SNX7: variants seen among roughly 807,000 people sequenced by gnomAD.
SNX7 encodes the protein sorting nexin 7.
In SNX7, 35 loss-of-function variants were observed where a neutral mutation model predicts 48.4. The ratio of observed to expected loss-of-function variants is 0.72; its 90% CI spans 0.55 to 0.96. The LOEUF is 0.96. SNX7 is among the 40% of genes least tolerant of loss of function. SNX7 has a pLI of 0.00. For missense variants in SNX7, 553 were observed against 548.9 expected (o/e 1.01, Z -0.07); for synonymous variants, 190 against 190.2 (o/e 1.00, Z 0.01).
intron 1 of SNX7, among the ~76,000 whole-genome samples, chr1:98,683,154 C>G (rs1650595868): frequency 6.6e-6 from 1 of 152,100 alleles, no homozygotes; most frequent in Non-Finnish European, 1.5e-5. Context: ...ATGCTCTGTT[C>G]TATCTGCTTC....
rs1410025401 is a variant in SNX7 at position 98,694,326 on chromosome 1, T to C, written c.640-1192T>C. Among the ~76,000 whole-genome samples, 3 of 145,066 alleles carry C rather than the reference T, an allele frequency of 2.1e-5. No individual in the cohort carries two copies. In the Admixed American group the frequency reaches 2.2e-4, roughly 11 times the overall value. ...CGGAGCTTGCAGTGAGCCAGGATTG[T>C]GCCACTGCAGTCCAGCCTGGGCGAA... On this transcript the variant is annotated intron_variant, in intron 4 of 8. Coordinates refer to ENST00000306121, the MANE Select transcript of SNX7 (RefSeq NM_015976.5).
intron 7 of SNX7, among the ~76,000 whole-genome samples, chr1:98,732,061 T>C (rs111255466): frequency 0.019 from 2,912 of 152,254 alleles, 101 homozygotes; most frequent in African/African-American, 0.067. Context: ...TTGAATGTGG[T>C]TGGCTTTCTC....
At chr1:98,744,326 G>A (rs1401334090) in intron 8 of SNX7, among the ~76,000 whole-genome samples, 1 of 151,986 alleles carries the variant, frequency 6.6e-6, no homozygotes, top group Non-Finnish European at 1.5e-5. Context: ...TGAAGCAGGT[G>A]AAGAATCTGA....
intron 8 of SNX7, among the ~76,000 whole-genome samples, chr1:98,750,895 G>T (rs940327031): frequency 6.6e-6 from 1 of 152,004 alleles, no homozygotes; most frequent in African/African-American, 2.4e-5. Context: ...TGTATTCCAC[G>T]CTGGGTCAAG....
At chr1:98,698,304 T>C (rs1032718784) in intron 5 of SNX7, among the ~76,000 whole-genome samples, 1 of 152,076 alleles carries the variant, frequency 6.6e-6, no homozygotes, top group Non-Finnish European at 1.5e-5. Flanking sequence ...TGGATAGTAA[T>C]TACCACTAAG....
chr1:98,692,418 C>G (rs1412350245), intron 4 of SNX7, among the ~76,000 whole-genome samples: 1 of 152,070 alleles, frequency 6.6e-6, no homozygotes, highest in Non-Finnish European at 1.5e-5. Context: ...TGGTACTTAG[C>G]AAGCAATTCA....
intron 1 of SNX7, among the ~76,000 whole-genome samples, chr1:98,673,543 G>A (rs2100916887): frequency 6.6e-6 from 1 of 152,156 alleles, no homozygotes; most frequent in South Asian, 2.1e-4. Context: ...CTCAACTAAA[G>A]TATAAGCTTC....
chr1:98,701,479 A>AT (rs1345629609), intron 6 of SNX7, among the ~76,000 whole-genome samples: 1 of 152,040 alleles, frequency 6.6e-6, no homozygotes, highest in African/African-American at 2.4e-5. Flanking sequence ...TGCTTCTACT[A>AT]TTTTTTGTTT....
intron 7 of SNX7, 60 bp downstream of exon 7, chr1:98,701,963 G>A: frequency 1.7e-6 from 2 of 1,169,352 alleles, no homozygotes; most frequent in Non-Finnish European, 2.5e-6. Flanking sequence ...ATTTTTATTA[G>A]CAATGTCCTT....
At chr1:98,715,729 C>T (rs1029754468) in intron 7 of SNX7, among the ~76,000 whole-genome samples, 3 of 152,224 alleles carry the variant, frequency 2.0e-5, no homozygotes, top group South Asian at 2.1e-4. Flanking sequence ...TTCTGACTCT[C>T]GTATGCTTTA....
chr1:98,703,978 A>G (rs1651888091), intron 7 of SNX7, among the ~76,000 whole-genome samples: 1 of 152,114 alleles, frequency 6.6e-6, no homozygotes, highest in African/African-American at 2.4e-5. Context: ...ATGTTTTAAA[A>G]TGAAAAGAAG....
chr1:98,726,659 A>AT (rs11361141), intron 7 of SNX7, among the ~76,000 whole-genome samples: 3 of 151,918 alleles, frequency 2.0e-5, no homozygotes, highest in Non-Finnish European at 2.9e-5. Flanking sequence ...TTTTAAGGGG[A>AT]TTTTTTTTGG....
Position 98,698,773 on chromosome 1 carries a change from G to T in SNX7, c.906G>T (p.Leu302=). ...TGTGGTCAGCGTCAGAAGAGGATCTGGTTGATACTCTAAAGGATGTTGCCA... is the reference window on the plus strand; with the variant it reads ...TGTGGTCAGCGTCAGAAGAGGATCTTGTTGATACTCTAAAGGATGTTGCCA... ...HILWSASEED[L]VDTLKDVASC... Residue 302 remains leucine, a synonymous_variant, in exon 6 of 9, where the codon CTG becomes CTT. Transcript: ENST00000306121. 1.2e-6 allele frequency: 2 copies of T among 1,613,578 alleles called. No individual in the cohort carries two copies. Among genetic ancestry groups the T allele is most frequent in the Non-Finnish European group, 1.7e-6 (2 of 1,179,744 alleles).
intron 8 of SNX7, among the ~76,000 whole-genome samples, chr1:98,749,162 G>A (rs563669263): frequency 3.9e-5 from 6 of 152,070 alleles, no homozygotes; most frequent in South Asian, 2.1e-4. Context: ...TGGCTCTTAC[G>A]TTAATTTCTC....
intron 8 of SNX7, among the ~76,000 whole-genome samples, chr1:98,740,069 G>GGTTTTGTTTT (rs747792892): frequency 2.0e-5 from 3 of 152,006 alleles, no homozygotes; most frequent in Non-Finnish European, 4.4e-5. Flanking sequence ...ACAGATCCAT[G>GGTTTTGTTTT]GTTTTGTTTT....
intron 7 of SNX7, among the ~76,000 whole-genome samples, chr1:98,708,453 C>T (rs1652128480): frequency 6.6e-6 from 1 of 152,180 alleles, no homozygotes; most frequent in African/African-American, 2.4e-5. Flanking sequence ...CTACAATACA[C>T]ACCCAGTTAC....
chr1:98,665,205 A>G (rs1649473273), intron 1 of SNX7, among the ~76,000 whole-genome samples: 1 of 152,220 alleles, frequency 6.6e-6, no homozygotes, highest in African/African-American at 2.4e-5. Flanking sequence ...AAAGTGAGAT[A>G]TATATCATCT....
chr1:98,752,023 A>G lies in SNX7; in HGVS notation c.1279-8031A>G, dbSNP rs575947586. Among the ~76,000 whole-genome samples the G allele has an allele frequency of 3.9e-5, 6 of 152,214 alleles. No individual in the cohort carries two copies. In the East Asian group the frequency reaches 7.7e-4, roughly 20 times the overall value. On this transcript the variant is annotated intron_variant, in intron 8 of 8. Coordinates refer to ENST00000306121, the MANE Select transcript of SNX7 (RefSeq NM_015976.5). ...ATACTAACTTTTTTCACTCACTGTA[A>G]TGATTTAAAAGTGAAAAAAAATTGA...
chr1:98,733,711 C>T (rs1349135904), intron 7 of SNX7, among the ~76,000 whole-genome samples: 2 of 152,012 alleles, frequency 1.3e-5, no homozygotes, highest in Non-Finnish European at 2.9e-5. Context: ...ATTTCTTCCC[C>T]CTCCATTTTC....
Sources: gnomAD v4.1 joint callset for allele counts (sites outside exome capture counted in the v4.1 genomes callset) on GRCh38, gnomAD v4.1.1 for gene constraint, MANE v1.5 for transcripts, NCBI Gene and HGNC (gene_info 2026-07-23, HGNC 2026-07-21) for gene names.